The following RPIA variants were observed in gnomAD, a reference collection of about 807,000 sequenced individuals.
The protein encoded by RPIA is ribose-5-phosphate isomerase.
In RPIA, 29 loss-of-function variants were observed where a neutral mutation model predicts 37.8. The observed-to-expected ratio is 0.77, with a 90% CI of 0.57 to 1.05. The LOEUF is 1.05. RPIA is among the 50% of genes least tolerant of loss of function. RPIA has a pLI of 0.00. For missense variants in RPIA, 385 were observed against 413.6 expected, an observed-to-expected ratio of 0.93 and a Z score of 0.60; for synonymous variants, 167 against 157.0, an observed-to-expected ratio of 1.06 and a Z score of -0.48.
At chr2:88,705,880 G>A (rs1672891910) in intron 3 of RPIA, among the ~76,000 whole-genome samples, 1 of 152,030 alleles carries the variant, frequency 6.6e-6, no homozygotes, top group South Asian at 2.1e-4. Context: ...AAACAGTCCT[G>A]TTAAAAAATG....
Position 88,735,680 on chromosome 2 carries a change from C to G in RPIA, c.539C>G (p.Thr180Ser). The G allele has an allele frequency of 6.2e-7, 1 of 1,614,104 alleles. No homozygotes were observed. The highest frequency in any genetic ancestry group is 8.5e-7 in the Non-Finnish European group (1 of 1,180,002). ...NLIKGGGGCLTQEKIVAGYAS... is the reference protein window; with the variant it reads ...NLIKGGGGCLSQEKIVAGYAS... Reference sequence around the variant, plus strand: ...CTTCTTTCCTGCAGAGGCTGCCTGACCCAGGAGAAGATTGTGGCTGGCTAT... The same window carrying G: ...CTTCTTTCCTGCAGAGGCTGCCTGAGCCAGGAGAAGATTGTGGCTGGCTAT... Residue 180 changes from threonine (T) to serine (S), a missense_variant, in exon 6 of 9, where the codon ACC becomes AGC. Thr to Ser is a moderately conservative substitution (Grantham distance 58). Around this residue, in one of 2 missense-constraint regions of RPIA, gnomAD observed 153 missense variants for 210.6 expected, o/e 0.73. Transcript: ENST00000283646.
At chr2:88,719,378 C>T (rs146913994) in intron 3 of RPIA, among the ~76,000 whole-genome samples, 118 of 152,206 alleles carry the variant, frequency 7.8e-4, no homozygotes, top group Non-Finnish European at 1.4e-3. Context: ...CAGAGAAAAG[C>T]AAACACCATT....
chr2:88,702,198 C>T (rs998076826), intron 3 of RPIA, among the ~76,000 whole-genome samples: 34 of 152,236 alleles, frequency 2.2e-4, no homozygotes, highest in Admixed American at 3.9e-4. Context: ...ATTACTTCAT[C>T]GTAAAAGTAA....
At chr2:88,704,691 C>T (rs1305597474) in intron 3 of RPIA, among the ~76,000 whole-genome samples, 1 of 152,120 alleles carries the variant, frequency 6.6e-6, no homozygotes, top group Admixed American at 6.5e-5. Flanking sequence ...CTCACCGCTC[C>T]CGTTCAACAT....
chr2:88,721,568 CACA>C (rs1264414103), intron 3 of RPIA, among the ~76,000 whole-genome samples: 17,020 of 86,160 alleles, frequency 0.2, 1,369 homozygotes, highest in East Asian at 0.41. Context: ...CACACACACA[CACA>C]CCCCCCCCCC....
chr2:88,698,474 T>G lies in RPIA; in HGVS notation c.286-10T>G, dbSNP rs1672786822. The G allele has an allele frequency of 1.2e-5, 19 of 1,613,888 alleles. No individual in the cohort carries two copies. The highest frequency in any genetic ancestry group is 6.7e-5 in the East Asian group (3 of 44,894). On this transcript the variant is annotated splice_polypyrimidine_tract_variant and intron_variant, in intron 1 of 8. Transcript: ENST00000283646. ...ATAAGTTTTGTTTTTTCTTCCCCGT[T>G]TTTTGGCAGAATAACCAAGTGCTGG... is the stretch of plus-strand genomic sequence containing the variant.
At chr2:88,743,339 TG>T (rs550351686) in intron 8 of RPIA, among the ~76,000 whole-genome samples, 56 of 152,336 alleles carry the variant, frequency 3.7e-4, no homozygotes, top group Admixed American at 1.0e-3. Context: ...GTGTCACATT[TG>T]TTGACTTGCA....
chr2:88,710,439 T>A (rs1237739681), intron 3 of RPIA, among the ~76,000 whole-genome samples: 1 of 152,160 alleles, frequency 6.6e-6, no homozygotes, highest in Non-Finnish European at 1.5e-5. Flanking sequence ...ATTTTTTCAG[T>A]GGAGAAAGTT....
chr2:88,734,980 G>A (rs1180572908), intron 5 of RPIA, among the ~76,000 whole-genome samples: 9 of 152,194 alleles, frequency 5.9e-5, no homozygotes, highest in Non-Finnish European at 1.3e-4. Context: ...GCTTACTTCT[G>A]TGAGCAGTTA....
intron 3 of RPIA, among the ~76,000 whole-genome samples, chr2:88,712,495 C>T (rs768300949): frequency 3.3e-5 from 5 of 152,160 alleles, no homozygotes; most frequent in Non-Finnish European, 1.5e-5. Flanking sequence ...TGAACATTTG[C>T]TTATTCTTTA....
chr2:88,714,256 C>T (rs750907473), intron 3 of RPIA, among the ~76,000 whole-genome samples: 1 of 151,946 alleles, frequency 6.6e-6, no homozygotes, highest in Non-Finnish European at 1.5e-5. Context: ...CTGCAACCTC[C>T]GCCTCCTGGG....
chr2:88,724,301 T>G (rs899132300), intron 3 of RPIA, among the ~76,000 whole-genome samples: 33 of 152,148 alleles, frequency 2.2e-4, no homozygotes, highest in Admixed American at 1.4e-3. Context: ...CTTTCTTTTT[T>G]CTTTGTTTTG....
At chr2:88,721,225 G>A (rs1181983291) in intron 3 of RPIA, among the ~76,000 whole-genome samples, 1 of 151,974 alleles carries the variant, frequency 6.6e-6, no homozygotes, top group Non-Finnish European at 1.5e-5. Context: ...GGGGGTGAGG[G>A]GCTAGGGGAG....
At chr2:88,726,865 C>T (rs1315495158) in intron 3 of RPIA, among the ~76,000 whole-genome samples, 1 of 152,088 alleles carries the variant, frequency 6.6e-6, no homozygotes, top group Non-Finnish European at 1.5e-5. Flanking sequence ...GCCTCAGCCT[C>T]CTGAGTAGCT....
chr2:88,726,717 G>A (rs1673201242), intron 3 of RPIA, among the ~76,000 whole-genome samples: 1 of 152,092 alleles, frequency 6.6e-6, no homozygotes, highest in South Asian at 2.1e-4. Context: ...TTTTTAAAAC[G>A]TCCTTATCAG....
chr2:88,723,046 G>A (rs1050279307), intron 3 of RPIA, among the ~76,000 whole-genome samples: 4 of 152,228 alleles, frequency 2.6e-5, no homozygotes, highest in African/African-American at 9.6e-5. Flanking sequence ...GAATTTTAGC[G>A]AAATTAGAAA....
At chr2:88,749,228 C>G (rs1459710983) in intron 8 of RPIA, among the ~76,000 whole-genome samples, 1 of 152,190 alleles carries the variant, frequency 6.6e-6, no homozygotes, top group African/African-American at 2.4e-5. Flanking sequence ...AGTGCTTTTG[C>G]CAGCTCAGCT....
chr2:88,691,760 G>GGGCCGGGGGCGC lies in RPIA; in HGVS notation c.67_78dup (p.Gly23_Ala26dup). The GGGCCGGGGGCGC allele has an allele frequency of 6.3e-7, 1 of 1,594,422 alleles. No individual in the cohort carries two copies. The highest frequency in any genetic ancestry group is 8.5e-7 in the Non-Finnish European group (1 of 1,174,844). ...CGGGTCTTGGCCCCGCTGCCCGGGAGGGCCGGGGGCGCGGCCTCCGGCGGA... is the reference window on the plus strand; with the variant it reads ...CGGGTCTTGGCCCCGCTGCCCGGGAGGGCCGGGGGCGCGGCCGGGGGCGCGGCCTCCGGCGGA... On this transcript the variant is annotated inframe_insertion, in exon 1 of 9. Coordinates refer to ENST00000283646, the MANE Select transcript of RPIA (RefSeq NM_144563.3).
In RPIA at chr2:88,691,809, G is replaced by T; in HGVS notation, c.111G>T (p.Pro37=). ...GAGGAGGGAACAGCTGGGACCTCCC[G>T]GGTTCCCACGTGCGGCTGCCGGGGC... ...SGGGGNSWDL[P]GSHVRLPGRA... Residue 37 remains proline, a synonymous_variant, in exon 1 of 9, where the codon CCG becomes CCT. Coordinates refer to ENST00000283646, the MANE Select transcript of RPIA (RefSeq NM_144563.3). 6.3e-7 allele frequency: 1 copy of T among 1,595,740 alleles called. No homozygotes were observed. Among genetic ancestry groups the T allele is most frequent in the Admixed American group, 1.8e-5 (1 of 56,974 alleles).
Sources: allele counts gnomAD v4.1 joint callset (sites outside exome capture counted in the v4.1 genomes callset), GRCh38; gene constraint gnomAD v4.1.1; regional missense constraint gnomAD v4.1.1; transcripts MANE v1.5; gene names NCBI Gene and HGNC (gene_info 2026-07-23, HGNC 2026-07-21).